Variants in ARHGAP18 observed in about 807,000 individuals in gnomAD.
ARHGAP18 encodes Rho GTPase activating protein 18, also known as rho GTPase-activating protein 18.
ARHGAP18 carries 67 observed loss-of-function variants against 86.2 expected under a neutral mutation model. The ratio of observed to expected loss-of-function variants is 0.78; its 90% CI spans 0.64 to 0.95. ARHGAP18 has a LOEUF of 0.95. ARHGAP18 is among the 40% of genes least tolerant of loss of function. The pLI is 0.00. For missense variants in ARHGAP18, 691 were observed against 780.4 expected, an observed-to-expected ratio of 0.89 and a Z score of 1.37; for synonymous variants, 283 against 280.4, an observed-to-expected ratio of 1.01 and a Z score of -0.09.
intron 1 of ARHGAP18, among the ~76,000 whole-genome samples, chr6:129,702,412 A>G (rs1774729952): frequency 6.6e-6 from 1 of 152,142 alleles, no homozygotes; most frequent in East Asian, 1.9e-4. Context: ...TCCCTTTTTT[A>G]TCGAAAGAAA....
chr6:129,699,150 A>T (rs1249270437), intron 1 of ARHGAP18, among the ~76,000 whole-genome samples: 3 of 152,176 alleles, frequency 2.0e-5, no homozygotes, highest in Non-Finnish European at 4.4e-5. Flanking sequence ...AGCACTTCTT[A>T]CTTTACTAAA....
intron 7 of ARHGAP18, among the ~76,000 whole-genome samples, chr6:129,613,189 C>T (rs999078858): frequency 3.0e-5 from 4 of 135,158 alleles, no homozygotes; most frequent in Non-Finnish European, 4.6e-5. Context: ...GCCAAGATCG[C>T]AACAGTGCAC....
chr6:129,606,105 G>A, intron 9 of ARHGAP18, 146 bp from the exon 10 acceptor site: 1 of 710,572 alleles, frequency 1.4e-6, no homozygotes, highest in Non-Finnish European at 2.3e-6. Context: ...AAGCCTTGTT[G>A]AGAGTGTGTT....
At chr6:129,633,896 T>C (rs1437160123) in intron 4 of ARHGAP18, 146 bp downstream of exon 4, 13 of 652,498 alleles carry the variant, frequency 2.0e-5, no homozygotes, top group Non-Finnish European at 3.0e-5. Context: ...ATGCTCAGCC[T>C]CACATAATGA....
rs187919386 is a variant in ARHGAP18, at chr6:129,683,173, A to T, written c.113+26851T>A. ...TGCAAGCTCCACCTCCCAGGTTCAC[A>T]CCATTCTCCTGCCTCAGCCTCCCGA... is the stretch of plus-strand genomic sequence containing the variant. On this transcript the variant is annotated intron_variant, in intron 1 of 14. Coordinates refer to ENST00000368149, the MANE Select transcript of ARHGAP18 (RefSeq NM_033515.3). Among the ~76,000 whole-genome samples the T allele has an allele frequency of 9.1e-3, 1,376 of 150,960 alleles. 20 individuals are homozygous for T. Among genetic ancestry groups the T allele is most frequent in the African/African-American group, 0.032 (1,321 of 41,116 alleles).
At position 129,600,655 on chromosome 6, in the gene ARHGAP18, T is replaced by C; in HGVS notation, c.1559A>G (p.Lys520Arg). ...ATATATACTTACTGTCCACAGAAGTTTTTGGTACTTAATCAATAAGTGCAT... is the reference window on the plus strand; with the variant it reads ...ATATATACTTACTGTCCACAGAAGTCTTTGGTACTTAATCAATAAGTGCAT... ...NTMHLLIKYQ[K>R]LLWTIPKFIV... Residue 520 changes from lysine to arginine, a missense_variant, in exon 11 of 15, where the codon AAA (lysine) becomes AGA (arginine). By Grantham distance (26) the Lys-to-Arg change is conservative. Coordinates refer to ENST00000368149, the MANE Select transcript of ARHGAP18 (RefSeq NM_033515.3). The C allele has an allele frequency of 6.2e-7, 1 of 1,613,076 alleles. No individual in the cohort carries two copies. Among genetic ancestry groups the C allele is most frequent in the Non-Finnish European group, 8.5e-7 (1 of 1,179,346 alleles).
intron 1 of ARHGAP18, among the ~76,000 whole-genome samples, chr6:129,698,643 G>A (rs1173643445): frequency 6.7e-6 from 1 of 150,022 alleles, no homozygotes; most frequent in African/African-American, 2.5e-5. Context: ...CAGGGTTCAA[G>A]CCATTCTCCT....
intron 4 of ARHGAP18, among the ~76,000 whole-genome samples, chr6:129,632,067 G>A (rs1358201423): frequency 1.3e-5 from 2 of 152,114 alleles, no homozygotes; most frequent in Non-Finnish European, 2.9e-5. Context: ...AAGAGACTAT[G>A]TCACCCATGC....
intron 1 of ARHGAP18, among the ~76,000 whole-genome samples, chr6:129,669,026 C>T (rs1490290495): frequency 6.6e-6 from 1 of 152,146 alleles, no homozygotes; most frequent in Admixed American, 6.5e-5. Flanking sequence ...CATAAAGGGC[C>T]AAATAGGACT....
intron 1 of ARHGAP18, among the ~76,000 whole-genome samples, chr6:129,672,605 G>GTTGT (rs1250063141): frequency 6.6e-6 from 1 of 152,174 alleles, no homozygotes; most frequent in African/African-American, 2.4e-5. Flanking sequence ...TGTAGTTCTA[G>GTTGT]TTGTTTAAAC....
chr6:129,598,970 G>T, intron 12 of ARHGAP18: 1 of 288,656 alleles, frequency 3.5e-6, no homozygotes, highest in Non-Finnish European at 6.4e-6. Flanking sequence ...GTTCAGTCTT[G>T]TCTTGATATC....
intron 12 of ARHGAP18, among the ~76,000 whole-genome samples, chr6:129,598,559 A>C (rs1423043618): frequency 6.6e-6 from 1 of 152,236 alleles, no homozygotes; most frequent in South Asian, 2.1e-4. Context: ...AACTTACTTC[A>C]TAAATGTATA....
chr6:129,606,324 G>A (rs769919167), intron 9 of ARHGAP18, among the ~76,000 whole-genome samples: 4 of 152,200 alleles, frequency 2.6e-5, no homozygotes, highest in South Asian at 2.1e-4. Context: ...GGGTGCGTCC[G>A]TAACAGTGGT....
intron 13 of ARHGAP18, among the ~76,000 whole-genome samples, chr6:129,581,001 G>C (rs1788275627): frequency 6.6e-6 from 1 of 152,184 alleles, no homozygotes; most frequent in Admixed American, 6.5e-5. Context: ...TGAGAAACCT[G>C]CTAAAAATTC....
intron 12 of ARHGAP18, among the ~76,000 whole-genome samples, chr6:129,591,283 C>T (rs1420308435): frequency 6.6e-6 from 1 of 152,120 alleles, no homozygotes; most frequent in Non-Finnish European, 1.5e-5. Context: ...TCTTTATAAC[C>T]CTTCTCTTTC....
intron 1 of ARHGAP18, among the ~76,000 whole-genome samples, chr6:129,676,964 A>G (rs1174759222): frequency 8.5e-6 from 1 of 118,330 alleles, no homozygotes; most frequent in Admixed American, 1.1e-4. Context: ...AGGAAAATAG[A>G]GGATTCCGGG....
chr6:129,615,257 A>G (rs1015185187), intron 7 of ARHGAP18, among the ~76,000 whole-genome samples: 123 of 152,342 alleles, frequency 8.1e-4, no homozygotes, highest in African/African-American at 2.6e-3. Context: ...TACTGCTGAC[A>G]GCTCTCCATA....
At position 129,599,369 on chromosome 6, in the gene ARHGAP18, G is replaced by A; in HGVS notation, c.1573-13C>T. ...TAAACTTGGGAATCTATAGAGAAAA[G>A]GAATTAAGCTTAGAGAGGAAAAAGA... On this transcript the variant is annotated splice_polypyrimidine_tract_variant and intron_variant, in intron 11 of 14. Coordinates refer to ENST00000368149, the MANE Select transcript of ARHGAP18 (RefSeq NM_033515.3). 4.7e-6 allele frequency: 7 copies of A among 1,487,062 alleles called. No homozygotes were observed. The highest frequency in any genetic ancestry group is 2.5e-5 in the East Asian group (1 of 40,434). 92.1% of individuals were successfully genotyped at this position (1,487,062 alleles called of 1,614,324 possible).
intron 7 of ARHGAP18, 104 bp from the exon 8 acceptor site, chr6:129,611,714 G>T: frequency 1.1e-6 from 1 of 909,862 alleles, no homozygotes. Context: ...ACAATGACAT[G>T]TAAACTGGAT....
Sources: gnomAD v4.1 joint callset for allele counts (sites outside exome capture counted in the v4.1 genomes callset) on GRCh38, gnomAD v4.1.1 for gene constraint, MANE v1.5 for transcripts, NCBI Gene and HGNC (gene_info 2026-07-23, HGNC 2026-07-21) for gene names.